TVP23A: variants seen among roughly 807,000 people sequenced by gnomAD.
The protein encoded by TVP23A is trans-golgi network vesicle protein 23 homolog A, also known as Golgi apparatus membrane protein TVP23 homolog A.
A neutral mutation model predicts 31.7 loss-of-function variants in TVP23A; 21 were observed. That is an observed-to-expected ratio of 0.66 (90% CI 0.47 to 0.95). TVP23A has a LOEUF of 0.95. Ranked by LOEUF, TVP23A falls within the 40% of genes least tolerant of loss-of-function variation. The probability of loss-of-function intolerance (pLI) is 0.00; values close to 1 mark genes in which losing one functional copy is unlikely to be tolerated. For missense variants in TVP23A, 279 were observed against 255.6 expected (o/e 1.09, Z -0.62); for synonymous variants, 104 against 96.0 (o/e 1.08, Z -0.49).
intron 2 of TVP23A, among the ~76,000 whole-genome samples, chr16:10,810,289 C>T (rs547501453): frequency 1.3e-5 from 2 of 152,048 alleles, no homozygotes; most frequent in Non-Finnish European, 2.9e-5. Context: ...TGGCTCATGG[C>T]TGTAATCCCA....
chr16:10,814,655 C>T (rs532255553), intron 2 of TVP23A, among the ~76,000 whole-genome samples: 1 of 152,326 alleles, frequency 6.6e-6, no homozygotes, highest in Admixed American at 6.5e-5. Context: ...AACTGCCCTG[C>T]CCAATGCCAC....
chr16:10,773,496 G>C, intron 4 of TVP23A, 55 bp from the exon 5 acceptor site: 2 of 1,532,446 alleles, frequency 1.3e-6, no homozygotes, highest in Non-Finnish European at 8.8e-7. Flanking sequence ...TTGCAAACGA[G>C]CGTGCTCACA....
intron 2 of TVP23A, among the ~76,000 whole-genome samples, chr16:10,781,508 C>A (rs1197413588): frequency 6.6e-6 from 1 of 152,164 alleles, no homozygotes; most frequent in African/African-American, 2.4e-5. Context: ...CATTGTCTTC[C>A]TCCCCGGAGG....
At chr16:10,782,359 T>C (rs2032478637) in intron 2 of TVP23A, among the ~76,000 whole-genome samples, 1 of 152,198 alleles carries the variant, frequency 6.6e-6, no homozygotes, top group African/African-American at 2.4e-5. Flanking sequence ...GGCCTGCCCC[T>C]TGCTCCTTTG....
Position 10,770,868 on chromosome 16 carries a change from C to CAA in TVP23A, c.583-539_583-538dup, listed in dbSNP as rs376701429. 1.5e-3 allele frequency among the ~76,000 whole-genome samples: 100 copies of CAA among 66,380 alleles called. 2 individuals are homozygous for CAA. Among genetic ancestry groups the CAA allele is most frequent in the African/African-American group, 1.7e-3 (33 of 19,010 alleles). 43.5% of individuals were successfully genotyped at this position (66,380 alleles called of 152,430 possible). A position where few individuals can be genotyped will look rare whatever the true frequency, so the allele number is the denominator to read the frequency against. On this transcript the variant is annotated intron_variant, in intron 6 of 7. Transcript: ENST00000299866. ...TGGGAGCAGAGTGAGACTCCCATCT[C>CAA]AAAAAAAAAAAAAAAAAAAAAAAAA... is the stretch of plus-strand genomic sequence containing the variant.
chr16:10,815,519 C>A (rs1441658036), intron 2 of TVP23A, among the ~76,000 whole-genome samples: 1 of 152,180 alleles, frequency 6.6e-6, no homozygotes, highest in Non-Finnish European at 1.5e-5. Context: ...GCAAGTTTGC[C>A]CCACAGAGGA....
intron 2 of TVP23A, among the ~76,000 whole-genome samples, chr16:10,781,469 C>T (rs553092410): frequency 3.9e-5 from 6 of 152,294 alleles, no homozygotes; most frequent in African/African-American, 1.4e-4. Flanking sequence ...TTTCTAGATC[C>T]ACTTATGCAG....
chr16:10,799,605 A>C (rs1422052687), intron 2 of TVP23A, among the ~76,000 whole-genome samples: 1 of 152,242 alleles, frequency 6.6e-6, no homozygotes, highest in Admixed American at 6.5e-5. Context: ...AAACGCTGGA[A>C]TTATAGGCGT....
chr16:10,764,486 T>C (rs974995959), downstream of TVP23A, among the ~76,000 whole-genome samples: 5 of 151,146 alleles, frequency 3.3e-5, no homozygotes, highest in Non-Finnish European at 7.4e-5. Flanking sequence ...TGTCAGTCTA[T>C]TGGAGCATCT....
At chr16:10,803,324 C>T in intron 2 of TVP23A, among the ~76,000 whole-genome samples, 1 of 147,448 alleles carries the variant, frequency 6.8e-6, no homozygotes, top group African/African-American at 2.6e-5. Flanking sequence ...CGTCTCAAAA[C>T]AACAACAACA....
chr16:10,815,717 G>A (rs1388931826), intron 2 of TVP23A, among the ~76,000 whole-genome samples: 2 of 152,186 alleles, frequency 1.3e-5, no homozygotes, highest in Non-Finnish European at 2.9e-5. Context: ...GTAAAGGCAG[G>A]AGTGGGGTCC....
chr16:10,808,577 A>G (rs1194973285), intron 2 of TVP23A: 2 of 455,204 alleles, frequency 4.4e-6, no homozygotes, highest in Non-Finnish European at 8.8e-6. Context: ...CAGGAGGATC[A>G]CTGAGGCTAG....
At chr16:10,773,232 A>G (rs1252869962) in intron 5 of TVP23A, 81 bp downstream of exon 5, 1 of 1,480,940 alleles carries the variant, frequency 6.8e-7, no homozygotes, top group Non-Finnish European at 9.0e-7. Context: ...ATCAATAACA[A>G]ATAACAACAA....
At chr16:10,784,509 C>T (rs540295961) in intron 2 of TVP23A, among the ~76,000 whole-genome samples, 56 of 150,976 alleles carry the variant, frequency 3.7e-4, no homozygotes, top group Non-Finnish European at 5.5e-4. Context: ...TGCAGTGATC[C>T]GAGATCACAC....
chr16:10,778,910 G>A lies in TVP23A; in HGVS notation c.90-3814C>T, dbSNP rs565609621. Reference sequence around the variant, plus strand: ...GAACCTGGGAGGCAGAGGTTGCAGTGAGCTGAGATTGCACCACTGCACTAC... The same window carrying A: ...GAACCTGGGAGGCAGAGGTTGCAGTAAGCTGAGATTGCACCACTGCACTAC... On this transcript the variant is annotated intron_variant, in intron 2 of 7. Transcript: ENST00000299866. 4.6e-5 allele frequency among the ~76,000 whole-genome samples: 7 copies of A among 152,216 alleles called. 1 individual carries two copies. The highest frequency in any genetic ancestry group is 3.2e-3 in the Middle Eastern group (1 of 316).
chr16:10,766,580 A>G (rs1231714061), downstream of TVP23A: 2 of 168,318 alleles, frequency 1.2e-5, no homozygotes, highest in Admixed American at 6.4e-5. The surrounding 1 kb of genome is among the most constrained non-coding windows in gnomAD (Gnocchi z 4.8). Flanking sequence ...GGGCCTCCCT[A>G]GCGAGTTCCA....
In TVP23A at chr16:10,818,204, G is replaced by C; in HGVS notation, c.10-22C>G. On this transcript the variant is annotated intron_variant, in intron 1 of 7. Coordinates refer to ENST00000299866, the MANE Select transcript of TVP23A (RefSeq NM_001079512.4). This position sits in a 1 kb window ranked among gnomAD's most constrained non-coding sequence, Gnocchi z 4.7. ...GGGCCTGGGAGGAGAGCAAGGGCAG[G>C]TGGCAGGCCCAAGCACGGCGCACAC... 3.8e-6 allele frequency: 6 copies of C among 1,587,464 alleles called. No homozygotes were observed. The highest frequency in any genetic ancestry group is 5.1e-6 in the Non-Finnish European group (6 of 1,165,764).
At chr16:10,784,354 G>A (rs893774403) in intron 2 of TVP23A, among the ~76,000 whole-genome samples, 1 of 150,116 alleles carries the variant, frequency 6.7e-6, no homozygotes, top group Non-Finnish European at 1.5e-5. Context: ...TATCAACCTG[G>A]GCAACATGGT....
At chr16:10,775,128 C>T in intron 2 of TVP23A, 32 bp from the exon 3 acceptor site, 1 of 1,589,950 alleles carries the variant, frequency 6.3e-7, no homozygotes, top group Non-Finnish European at 8.6e-7. Context: ...GCCCTCACTC[C>T]AAGAGCTAAG....
Sources: allele counts gnomAD v4.1 joint callset (sites outside exome capture counted in the v4.1 genomes callset), GRCh38; gene constraint gnomAD v4.1.1; non-coding constraint Gnocchi (gnomAD v3.1); transcripts MANE v1.5; gene names NCBI Gene and HGNC (gene_info 2026-07-23, HGNC 2026-07-21).